Variants in DLGAP1 observed in about 807,000 individuals in gnomAD.
DLGAP1 encodes the protein DLG associated protein 1.
A neutral mutation model predicts 90.8 loss-of-function variants in DLGAP1; 11 were observed. The observed-to-expected ratio is 0.12, with a 90% CI of 0.08 to 0.20. The LOEUF (loss-of-function observed/expected upper bound fraction) is 0.20. DLGAP1 is among the 10% of genes least tolerant of loss of function. The pLI is 1.00. For synonymous variants in DLGAP1, 558 were observed against 540.7 expected, an observed-to-expected ratio of 1.03 and a Z score of -0.44; for missense variants, 1,050 against 1,333.8, an observed-to-expected ratio of 0.79 and a Z score of 3.31.
intron 3 of DLGAP1, chr18:3,896,460 G>A (rs61743069): frequency 7.8e-4 from 119 of 152,236 alleles, no homozygotes; most frequent in African/African-American, 2.3e-3. Flanking sequence ...ATATTGTCTC[G>A]TTTTAATACA....
chr18:3,766,061 A>G (rs543397169), intron 5 of DLGAP1, among the ~76,000 whole-genome samples: 1 of 152,306 alleles, frequency 6.6e-6, no homozygotes, highest in South Asian at 2.1e-4. Context: ...AGATTTTCAG[A>G]GTGATTAAAA....
At chr18:3,862,597 GC>G (rs1001785053) in intron 4 of DLGAP1, among the ~76,000 whole-genome samples, 25 of 152,222 alleles carry the variant, frequency 1.6e-4, no homozygotes, top group Non-Finnish European at 3.2e-4. Context: ...GGGAGATAAT[GC>G]ACATGACGTG....
chr18:4,152,900 C>G lies in DLGAP1; in HGVS notation c.-266-1613G>C, dbSNP rs187982580. Among the ~76,000 whole-genome samples the G allele has an allele frequency of 4.6e-5, 7 of 152,166 alleles. No homozygotes were observed. The East Asian group carries it at 1.3e-3, about 29-fold the overall frequency. On this transcript the variant is annotated intron_variant, in intron 1 of 12. Coordinates refer to ENST00000315677, the MANE Select transcript of DLGAP1 (RefSeq NM_004746.4). Reference sequence around the variant, plus strand: ...ACTTTCTTCCCCACATATATGAGGACTAAGTAACTCAGGAGATAATGAAAA... The same window carrying G: ...ACTTTCTTCCCCACATATATGAGGAGTAAGTAACTCAGGAGATAATGAAAA...
At chr18:4,201,369 T>G (rs947643548) in intron 1 of DLGAP1, among the ~76,000 whole-genome samples, 4 of 152,182 alleles carry the variant, frequency 2.6e-5, no homozygotes, top group Non-Finnish European at 4.4e-5. Flanking sequence ...CACCGTTTAT[T>G]GAATAGGGGG....
In DLGAP1 at chr18:4,383,725, T is replaced by G. The variant is rs1430611405; in HGVS notation, c.-267+71281A>C. ...CCACATAATATGACCATGTGACTGT[T>G]TTAAGTAACCAAATGGAGAAAACAC... On this transcript the variant is annotated intron_variant, in intron 1 of 12. Coordinates refer to ENST00000315677, the MANE Select transcript of DLGAP1 (RefSeq NM_004746.4). The surrounding 1 kb of genome is among the most constrained non-coding windows in gnomAD (Gnocchi z 4.0). 6.6e-6 allele frequency among the ~76,000 whole-genome samples: 1 copy of G among 152,132 alleles called. No homozygotes were observed. The highest frequency in any genetic ancestry group is 1.5e-5 in the Non-Finnish European group (1 of 68,006).
intron 1 of DLGAP1, among the ~76,000 whole-genome samples, chr18:4,155,825 C>T (rs2076746999): frequency 1.3e-5 from 2 of 152,090 alleles, no homozygotes; most frequent in African/African-American, 4.8e-5. Flanking sequence ...GGAGTTTGAG[C>T]TTACAGTCGA....
chr18:4,231,759 G>A (rs369654069), intron 1 of DLGAP1, among the ~76,000 whole-genome samples: 1 of 151,810 alleles, frequency 6.6e-6, no homozygotes, highest in Non-Finnish European at 1.5e-5. Context: ...TTTCCTTCCA[G>A]GACAATGAAT....
In DLGAP1 at chr18:4,383,652, A is replaced by C. The variant is rs1340063568; in HGVS notation, c.-267+71354T>G. Among the ~76,000 whole-genome samples, 2 of 152,288 alleles carry C rather than the reference A, an allele frequency of 1.3e-5. No homozygotes were observed. Among genetic ancestry groups the C allele is most frequent in the East Asian group, 1.9e-4 (1 of 5,186 alleles). On this transcript the variant is annotated intron_variant, in intron 1 of 12. Coordinates refer to ENST00000315677, the MANE Select transcript of DLGAP1 (RefSeq NM_004746.4). This position sits in a 1 kb window ranked among gnomAD's most constrained non-coding sequence, Gnocchi z 4.0. ...CTGCTTTCTGACTATGCTATGTAGA[A>C]TGCGAAGTGATTAAACATCACAGAT... is the stretch of plus-strand genomic sequence containing the variant.
At chr18:4,262,933 A>T (rs2079031878) in intron 1 of DLGAP1, among the ~76,000 whole-genome samples, 1 of 151,644 alleles carries the variant, frequency 6.6e-6, no homozygotes, top group Non-Finnish European at 1.5e-5. Flanking sequence ...TATTATTATT[A>T]TTTTATTATT....
chr18:4,422,582 T>A (rs1226917984), intron 1 of DLGAP1, among the ~76,000 whole-genome samples: 2 of 151,896 alleles, frequency 1.3e-5, no homozygotes, highest in Non-Finnish European at 2.9e-5. Flanking sequence ...TTCAGACATT[T>A]CAATGTAATT....
At chr18:4,439,256 T>G (rs1181867923) in intron 1 of DLGAP1, among the ~76,000 whole-genome samples, 1 of 152,210 alleles carries the variant, frequency 6.6e-6, no homozygotes, top group East Asian at 1.9e-4. Flanking sequence ...TTCCAAGCCC[T>G]TTTCAGGAGA....
At chr18:4,021,503 G>A (rs2074607934) in intron 2 of DLGAP1, among the ~76,000 whole-genome samples, 1 of 152,174 alleles carries the variant, frequency 6.6e-6, no homozygotes, top group Admixed American at 6.5e-5. Flanking sequence ...AGATGCTGGT[G>A]CCATGCTTGT....
At chr18:4,356,267 G>T (rs970264958) in intron 1 of DLGAP1, among the ~76,000 whole-genome samples, 4 of 151,808 alleles carry the variant, frequency 2.6e-5, no homozygotes, top group African/African-American at 9.7e-5. Flanking sequence ...CCGACCCCTA[G>T]GCTGAAATAG....
intron 1 of DLGAP1, among the ~76,000 whole-genome samples, chr18:4,331,764 C>A (rs2080957896): frequency 6.6e-6 from 1 of 151,858 alleles, no homozygotes. Flanking sequence ...TTATCTAGAG[C>A]CTCTGCTATT....
chr18:4,204,934 A>C (rs1286953617), intron 1 of DLGAP1, among the ~76,000 whole-genome samples: 1 of 148,678 alleles, frequency 6.7e-6, no homozygotes, highest in Non-Finnish European at 1.5e-5. Context: ...CTTTGGCTTG[A>C]CTCTTCTTCC....
At chr18:3,853,195 CTGT>C (rs1406734276) in intron 4 of DLGAP1, among the ~76,000 whole-genome samples, 1 of 152,062 alleles carries the variant, frequency 6.6e-6, no homozygotes, top group Non-Finnish European at 1.5e-5. Flanking sequence ...TTCAAGGTTT[CTGT>C]TTTTACTGAG....
At chr18:3,992,676 C>A (rs1252591390) in intron 3 of DLGAP1, among the ~76,000 whole-genome samples, 1 of 151,934 alleles carries the variant, frequency 6.6e-6, no homozygotes. Flanking sequence ...GACCCTGTCT[C>A]TAAATAAATA....
At chr18:3,600,777 TATATAGATATATATAG>T (rs2056891236) in intron 7 of DLGAP1, among the ~76,000 whole-genome samples, 1 of 108,812 alleles carries the variant, frequency 9.2e-6, no homozygotes, top group African/African-American at 4.4e-5. Flanking sequence ...TATATATAGA[TATATAGATATATATAG>T]ATATATAGAT....
chr18:4,320,430 A>G (rs919102624), intron 1 of DLGAP1, among the ~76,000 whole-genome samples: 13 of 152,276 alleles, frequency 8.5e-5, no homozygotes, highest in Admixed American at 8.5e-4. Flanking sequence ...TCATTGTCTC[A>G]TGAGTTATAA....
Sources: allele counts gnomAD v4.1 joint callset (sites outside exome capture counted in the v4.1 genomes callset), GRCh38; gene constraint gnomAD v4.1.1; non-coding constraint Gnocchi (gnomAD v3.1); transcripts MANE v1.5; gene names NCBI Gene and HGNC (gene_info 2026-07-23, HGNC 2026-07-21).